Variants in SLX9 observed in about 807,000 individuals in gnomAD.
SLX9 encodes the protein ribosome biogenesis protein SLX9 homolog.
Under a neutral mutation model 20.8 loss-of-function variants are expected in SLX9, and 19 were observed. The observed-to-expected ratio is 0.91, with a 90% CI of 0.64 to 1.34. SLX9 has a LOEUF of 1.34. Among genes scored for constraint, SLX9 ranks in the 40% most tolerant of loss-of-function variants. SLX9 has a pLI of 0.00. For synonymous variants in SLX9, 113 were observed against 137.1 expected, an observed-to-expected ratio of 0.82 and a Z score of 1.23; for missense variants, 299 against 322.2, an observed-to-expected ratio of 0.93 and a Z score of 0.55.
At chr21:44,973,363 G>A (rs1019324342) in intron 5 of SLX9, 98 bp downstream of exon 5, 32 of 701,914 alleles carry the variant, frequency 4.6e-5, no homozygotes, top group African/African-American at 1.8e-4. Flanking sequence ...CCCTCACCCC[G>A]CCCACCCTCT....
chr21:44,959,853 GC>G (rs1467185775), intron 2 of SLX9, among the ~76,000 whole-genome samples: 4 of 152,240 alleles, frequency 2.6e-5, no homozygotes, highest in Non-Finnish European at 2.9e-5. Flanking sequence ...TCCGGGGCAG[GC>G]TGGGGTGAGT....
chr21:44,951,884 T>TGCCG (rs2084764825), intron 2 of SLX9, among the ~76,000 whole-genome samples: 1 of 148,786 alleles, frequency 6.7e-6, no homozygotes, highest in African/African-American at 2.6e-5. Context: ...TGTGTGGGTT[T>TGCCG]ATCCTCATAG....
rs1341534706 is a variant in SLX9, at chr21:44,940,185, A to T, written c.128A>T (p.Lys43Met). The T allele has an allele frequency of 8.0e-7, 1 of 1,256,608 alleles. No individual in the cohort carries two copies. The highest frequency in any genetic ancestry group is 4.3e-5 in the Admixed American group (1 of 23,308). The allele number at this position is 1,256,608 out of a possible 1,614,324, so 77.8% of individuals were successfully genotyped here. The part of the protein sequence containing the change: ...ATPPPASAAG[K>M]DWAFINTNIF... ...CCTCCGCCGGCCTCGGCCGCGGGGA[A>T]GGTGAGCTGGGGAGGCGCTGGCCGG... Residue 43 changes from lysine (K) to methionine (M), a missense_variant and splice_region_variant, in exon 1 of 6, where the codon AAG (lysine) becomes ATG (methionine). By Grantham distance (95) the Lys-to-Met change is moderately conservative (BLOSUM62 -1). Coordinates refer to ENST00000291634, the MANE Select transcript of SLX9 (RefSeq NM_058190.4).
intron 2 of SLX9, among the ~76,000 whole-genome samples, chr21:44,948,333 C>CA (rs1555871431): frequency 9.7e-6 from 1 of 103,324 alleles, no homozygotes; most frequent in African/African-American, 5.0e-5. Flanking sequence ...GAGCATCGGG[C>CA]GTCCGGGGAG....
intron 3 of SLX9, among the ~76,000 whole-genome samples, chr21:44,962,724 G>A (rs7276874): frequency 0.075 from 11,483 of 152,184 alleles, 1,431 homozygotes; most frequent in African/African-American, 0.26. Context: ...TGTATGTTTA[G>A]TTTTATAAGC....
chr21:44,953,514 A>G (rs7277312), intron 2 of SLX9, among the ~76,000 whole-genome samples: 7,751 of 67,424 alleles, frequency 0.11, 96 homozygotes, highest in African/African-American at 0.34. Context: ...GGGGCCCTGC[A>G]TCCGGGCCTC....
intron 2 of SLX9, among the ~76,000 whole-genome samples, chr21:44,950,962 G>C (rs963043248): frequency 3.3e-5 from 5 of 152,182 alleles, no homozygotes; most frequent in African/African-American, 1.2e-4. Context: ...TGAGGATCAC[G>C]GTGACTCCAC....
intron 1 of SLX9, among the ~76,000 whole-genome samples, chr21:44,943,137 G>T (rs1209096341): frequency 6.6e-6 from 1 of 152,110 alleles, no homozygotes; most frequent in Non-Finnish European, 1.5e-5. Context: ...GGGACGGGGG[G>T]GTTCTGTCTC....
chr21:44,962,879 C>T (rs73906982), intron 3 of SLX9, among the ~76,000 whole-genome samples: 2,680 of 152,202 alleles, frequency 0.018, 86 homozygotes, highest in African/African-American at 0.062. Context: ...TGGTATCTCA[C>T]GGTGGTACTC....
At chr21:44,963,874 T>C (rs1294910747) in intron 3 of SLX9, among the ~76,000 whole-genome samples, 4 of 152,220 alleles carry the variant, frequency 2.6e-5, no homozygotes, top group Non-Finnish European at 5.9e-5. Context: ...TGTCTTGAGG[T>C]TGTTTTGGAT....
chr21:44,943,205 TG>T (rs1023514979), intron 1 of SLX9, among the ~76,000 whole-genome samples: 2 of 149,502 alleles, frequency 1.3e-5, no homozygotes, highest in Non-Finnish European at 2.9e-5. Context: ...CAGGGATGAG[TG>T]TGGCTCAGAA....
At chr21:44,964,389 G>A (rs2084997216) in intron 3 of SLX9, among the ~76,000 whole-genome samples, 1 of 151,966 alleles carries the variant, frequency 6.6e-6, no homozygotes, top group African/African-American at 2.4e-5. Flanking sequence ...GGATCTGCAC[G>A]CGCCACCCCA....
At chr21:44,939,749 C>CCGAGGGCGGGTGAGCT, upstream of SLX9, 1 of 540,018 alleles carries the variant, frequency 1.9e-6, no homozygotes, top group Admixed American at 2.3e-5. Context: ...CCGCGGGGGT[C>CCGAGGGCGGGTGAGCT]GCGTCCTCTC....
chr21:44,950,837 C>CCTT (rs1361815605), intron 2 of SLX9, among the ~76,000 whole-genome samples: 7 of 152,166 alleles, frequency 4.6e-5, no homozygotes, highest in Non-Finnish European at 1.0e-4. Context: ...GCGATCAGCT[C>CCTT]CTTCATCTGC....
intron 4 of SLX9, among the ~76,000 whole-genome samples, chr21:44,971,507 G>C (rs1568946556): frequency 6.6e-6 from 1 of 152,160 alleles, no homozygotes. Context: ...GCCACCCTGG[G>C]TGCAGCTCCT....
At chr21:44,947,386 C>G (rs529284227) in intron 2 of SLX9, among the ~76,000 whole-genome samples, 1 of 152,340 alleles carries the variant, frequency 6.6e-6, no homozygotes, top group South Asian at 2.1e-4. Flanking sequence ...TGCTGCGTCT[C>G]TGGCCAAGGA....
rs183285411 is a variant in SLX9 at position 44,944,379 on chromosome 21, G to A, written c.283+542G>A. ...ACACACGTCAGCCTGGCCAGTGAGA[G>A]GGTCTGGGAACTCCCACTCACTCCA... On this transcript the variant is annotated intron_variant, in intron 2 of 5. Coordinates refer to ENST00000291634, the MANE Select transcript of SLX9 (RefSeq NM_058190.4). Among the ~76,000 whole-genome samples, 53 of 152,274 alleles carry A rather than the reference G, an allele frequency of 3.5e-4. No individual in the cohort carries two copies. In the East Asian group the frequency reaches 0.01, roughly 29 times the overall value.
chr21:44,974,584 G>C (rs1406589427), intron 5 of SLX9, among the ~76,000 whole-genome samples: 6 of 152,004 alleles, frequency 3.9e-5, no homozygotes, highest in Non-Finnish European at 5.9e-5. Flanking sequence ...TTATTTTTTA[G>C]AGACAGTTCC....
Position 44,963,450 on chromosome 21 carries a change from T to C in SLX9, c.352+3282T>C, listed in dbSNP as rs974705027. Among the ~76,000 whole-genome samples the C allele has an allele frequency of 2.6e-4, 40 of 152,110 alleles. No individual in the cohort carries two copies. In the South Asian group the frequency reaches 7.9e-3, roughly 30 times the overall value. ...TTATATTAGTTATTGTGTGTGTGTA[T>C]ATGTATGTGTGTGTGTCCTATTTAA... On this transcript the variant is annotated intron_variant, in intron 3 of 5. Coordinates refer to ENST00000291634, the MANE Select transcript of SLX9 (RefSeq NM_058190.4).
Sources: allele counts gnomAD v4.1 joint callset (sites outside exome capture counted in the v4.1 genomes callset), GRCh38; gene constraint gnomAD v4.1.1; transcripts MANE v1.5; gene names NCBI Gene and HGNC (gene_info 2026-07-23, HGNC 2026-07-21).